Variants in SPI1 observed in about 807,000 individuals in gnomAD.
The protein encoded by SPI1 is Spi-1 proto-oncogene.
A neutral mutation model predicts 30.7 loss-of-function variants in SPI1; 3 were observed. The ratio of observed to expected loss-of-function variants is 0.10; its 90% confidence interval spans 0.04 to 0.25. SPI1 has a LOEUF of 0.25. SPI1 is among the 10% of genes least tolerant of loss of function. SPI1 has a pLI of 1.00. For synonymous variants in SPI1, 169 were observed against 157.1 expected, an observed-to-expected ratio of 1.08 and a Z score of -0.56; for missense variants, 261 against 371.5, an observed-to-expected ratio of 0.70 and a Z score of 2.45.
At chr11:47,368,559 G>A (rs1247754500) in intron 2 of SPI1, among the ~76,000 whole-genome samples, 1 of 152,220 alleles carries the variant, frequency 6.6e-6, no homozygotes, top group Non-Finnish European at 1.5e-5. Flanking sequence ...CGTGGCGCGC[G>A]CATACAATGG....
At chr11:47,366,140 C>G (rs988353934) in intron 2 of SPI1, among the ~76,000 whole-genome samples, 2 of 152,168 alleles carry the variant, frequency 1.3e-5, no homozygotes, top group Non-Finnish European at 2.9e-5. Context: ...ATCATGGAAC[C>G]ATTATCCATC....
At position 47,359,762 on chromosome 11, in the gene SPI1, GTAAGAGCCTGTGTCAGCTT is replaced by G. The variant is rs2095917865; in HGVS notation, c.330+72_330+90del. The G allele has an allele frequency of 4.5e-5, 65 of 1,445,276 alleles. No individual in the cohort carries two copies. In the South Asian group the frequency reaches 7.7e-4, roughly 17 times the overall value. 89.5% of individuals were successfully genotyped at this position (1,445,276 alleles called of 1,614,324 possible). A position where few individuals can be genotyped will look rare whatever the true frequency, so the allele number is the denominator to read the frequency against. ...ACTGTGGGGCAGGAAGCTGAGTTGG[GTAAGAGCCTGTGTCAGCTT>G]CCTGTGAAGCTCCCGGGCCCCACCA... On this transcript the variant is annotated intron_variant, in intron 3 of 4. Coordinates refer to ENST00000378538, the MANE Select transcript of SPI1 (RefSeq NM_003120.3). This position sits in a 1 kb window ranked among gnomAD's most constrained non-coding sequence, Gnocchi z 5.1.
intron 4 of SPI1, among the ~76,000 whole-genome samples, chr11:47,356,033 T>TGC (rs1277353062): frequency 6.6e-6 from 1 of 150,628 alleles, no homozygotes; most frequent in African/African-American, 2.5e-5. Flanking sequence ...GTCACACACA[T>TGC]GCACACACAA....
In SPI1 at chr11:47,378,409, C is replaced by A; in HGVS notation, c.-56G>T. ...TGCCTCGGTGGGGGCCAATGCAGAG[C>A]CCCTCAGGATGGGGTGCCCCGTCAG... On this transcript the variant is annotated 5_prime_UTR_variant, in exon 1 of 5. Transcript: ENST00000378538. 1.3e-6 allele frequency: 2 copies of A among 1,579,620 alleles called. No homozygotes were observed. Among genetic ancestry groups the A allele is most frequent in the Non-Finnish European group, 1.7e-6 (2 of 1,160,746 alleles).
At chr11:47,362,109 T>C (rs548610212) in intron 2 of SPI1, among the ~76,000 whole-genome samples, 32 of 152,322 alleles carry the variant, frequency 2.1e-4, no homozygotes, top group South Asian at 8.3e-4. Flanking sequence ...TGTGTCCTCA[T>C]CTGTTAAATG....
chr11:47,361,078 G>A (rs1051214553), intron 2 of SPI1, among the ~76,000 whole-genome samples: 9 of 151,972 alleles, frequency 5.9e-5, no homozygotes, highest in African/African-American at 1.2e-4. Context: ...CCGAGATTGC[G>A]CCACTGCACT....
intron 2 of SPI1, among the ~76,000 whole-genome samples, chr11:47,362,979 A>C (rs966128223): frequency 6.6e-6 from 1 of 151,982 alleles, no homozygotes; most frequent in Non-Finnish European, 1.5e-5. Flanking sequence ...TTGAACAAGC[A>C]TAGAGCAAAT....
intron 2 of SPI1, among the ~76,000 whole-genome samples, chr11:47,370,396 C>T (rs1003138825): frequency 2.1e-5 from 3 of 143,286 alleles, no homozygotes; most frequent in Non-Finnish European, 3.0e-5. Flanking sequence ...AGAGAGACAC[C>T]GTCTCAAAAA....
chr11:47,362,731 A>G (rs2095922650), intron 2 of SPI1, among the ~76,000 whole-genome samples: 1 of 151,848 alleles, frequency 6.6e-6, no homozygotes, highest in Non-Finnish European at 1.5e-5. Context: ...ATGTACCACC[A>G]TGCCCAGCTA....
At chr11:47,357,218 C>T (rs558676512) in intron 4 of SPI1, among the ~76,000 whole-genome samples, 3 of 151,608 alleles carry the variant, frequency 2.0e-5, no homozygotes, top group South Asian at 4.2e-4. Flanking sequence ...TGCACACACA[C>T]ATGCTCACAC....
At chr11:47,356,417 A>G (rs962971175) in intron 4 of SPI1, among the ~76,000 whole-genome samples, 6 of 144,976 alleles carry the variant, frequency 4.1e-5, no homozygotes, top group Admixed American at 6.9e-5. Context: ...ACACCCACCC[A>G]ATGCACCCAC....
At chr11:47,367,339 A>G (rs2142891510) in intron 2 of SPI1, among the ~76,000 whole-genome samples, 1 of 152,162 alleles carries the variant, frequency 6.6e-6, no homozygotes, top group East Asian at 1.9e-4. Flanking sequence ...GGATCATTTT[A>G]GGTCAGGAGT....
intron 2 of SPI1, among the ~76,000 whole-genome samples, chr11:47,367,563 A>T (rs1398737587): frequency 6.6e-6 from 1 of 151,140 alleles, no homozygotes; most frequent in Non-Finnish European, 1.5e-5. Context: ...CAAAAAAAAA[A>T]AAAAAATCCT....
At position 47,355,550 on chromosome 11, in the gene SPI1, C is replaced by CCG. The variant is rs766879272; in HGVS notation, c.494-5_494-4insCG. 9 of 1,399,082 alleles carry CCG rather than the reference C, an allele frequency of 6.4e-6. No individual in the cohort carries two copies. The Admixed American group carries it at 1.8e-4, about 28-fold the overall frequency. 86.7% of individuals were successfully genotyped at this position (1,399,082 alleles called of 1,614,324 possible). ...AGGCGGATCTTCTTCTTGCTGCCTGCGGGGGGGAGGGCCCGGTGGGAGGGG... is the reference window on the plus strand; with the variant it reads ...AGGCGGATCTTCTTCTTGCTGCCTGCCGGGGGGGGAGGGCCCGGTGGGAGGGG... On this transcript the variant is annotated splice_region_variant and splice_polypyrimidine_tract_variant and intron_variant, in intron 4 of 4. Transcript: ENST00000378538.
intron 1 of SPI1, among the ~76,000 whole-genome samples, chr11:47,377,062 G>C (rs1215880042): frequency 6.6e-6 from 1 of 152,212 alleles, no homozygotes; most frequent in Non-Finnish European, 1.5e-5. Flanking sequence ...CGTGTTCCCA[G>C]GTGGGAAGGG....
intron 1 of SPI1, among the ~76,000 whole-genome samples, chr11:47,377,792 G>A (rs562826828): frequency 1.3e-5 from 2 of 152,184 alleles, no homozygotes; most frequent in Non-Finnish European, 2.9e-5. Flanking sequence ...TGACCCTTTG[G>A]TCAACAATCA....
chr11:47,356,643 C>T (rs965630828), intron 4 of SPI1, among the ~76,000 whole-genome samples: 2 of 151,874 alleles, frequency 1.3e-5, no homozygotes, highest in African/African-American at 2.4e-5. Flanking sequence ...ACAAACACAC[C>T]TGCTTACACA....
intron 4 of SPI1, among the ~76,000 whole-genome samples, chr11:47,356,342 TCA>T (rs141558426): frequency 0.69 from 103,182 of 149,546 alleles, 35,486 homozygotes; most frequent in African/African-American, 0.75. Context: ...CACAACCCAC[TCA>T]CACACACCTG....
chr11:47,360,774 G>T (rs2095919559), intron 2 of SPI1, among the ~76,000 whole-genome samples: 1 of 149,890 alleles, frequency 6.7e-6, no homozygotes, highest in African/African-American at 2.5e-5. Flanking sequence ...GCAGTGAGCC[G>T]AGATTGCGCC....
Sources: allele counts gnomAD v4.1 joint callset (sites outside exome capture counted in the v4.1 genomes callset), GRCh38; gene constraint gnomAD v4.1.1; non-coding constraint Gnocchi (gnomAD v3.1); transcripts MANE v1.5; gene names NCBI Gene and HGNC (gene_info 2026-07-23, HGNC 2026-07-21).